MYO3A: variants seen among roughly 807,000 people sequenced by gnomAD.
MYO3A encodes the protein myosin-IIIa.
MYO3A carries 180 observed loss-of-function variants against 192.7 expected under a neutral mutation model. The observed-to-expected ratio is 0.93, with a 90% CI of 0.83 to 1.06. MYO3A has a LOEUF of 1.06. Among genes scored for constraint, MYO3A ranks in the 50% least tolerant of loss-of-function variants. MYO3A has a pLI of 0.00. For synonymous variants in MYO3A, 628 were observed against 645.3 expected (o/e 0.97, Z 0.41); for missense variants, 1,896 against 1,905.0 (o/e 1.00, Z 0.09).
chr10:25,991,963 G>A (rs1048386828), intron 4 of MYO3A, among the ~76,000 whole-genome samples: 5 of 152,162 alleles, frequency 3.3e-5, no homozygotes, highest in African/African-American at 1.2e-4. Context: ...CTCCAGCTTT[G>A]TTCTTTTGGC....
intron 17 of MYO3A, among the ~76,000 whole-genome samples, chr10:26,110,732 T>A (rs1356267621): frequency 6.6e-6 from 1 of 152,140 alleles, no homozygotes; most frequent in African/African-American, 2.4e-5. Context: ...GTCTGCGTGG[T>A]AGGCATCCTA....
chr10:26,129,507 A>G (rs1333115270), intron 20 of MYO3A, among the ~76,000 whole-genome samples: 1 of 152,180 alleles, frequency 6.6e-6, no homozygotes, highest in East Asian at 1.9e-4. Context: ...AAAAGCAAAC[A>G]GAATAAAAAA....
At chr10:26,182,415 G>T (rs981169182) in intron 31 of MYO3A, among the ~76,000 whole-genome samples, 3 of 152,024 alleles carry the variant, frequency 2.0e-5, no homozygotes, top group African/African-American at 7.3e-5. Flanking sequence ...TAAAAATACT[G>T]GTATATTTCA....
At chr10:26,184,039 A>G (rs1453896153) in intron 31 of MYO3A, among the ~76,000 whole-genome samples, 1 of 152,176 alleles carries the variant, frequency 6.6e-6, no homozygotes, top group Admixed American at 6.5e-5. Flanking sequence ...GCAACATAAC[A>G]AGACCCCATC....
chr10:26,009,524 T>C (rs1282185007), intron 6 of MYO3A, among the ~76,000 whole-genome samples: 1 of 152,180 alleles, frequency 6.6e-6, no homozygotes, highest in South Asian at 2.1e-4. Flanking sequence ...TACTCTCTCA[T>C]TGGAGAAACA....
At chr10:26,147,778 G>A (rs1369890787) in intron 23 of MYO3A, among the ~76,000 whole-genome samples, 1 of 152,188 alleles carries the variant, frequency 6.6e-6, no homozygotes, top group African/African-American at 2.4e-5. Context: ...GTTTGCAGCA[G>A]TCATGCAGAA....
At chr10:26,154,877 G>C (rs2131917120) in intron 25 of MYO3A, 54 bp downstream of exon 25, 2 of 1,454,272 alleles carry the variant, frequency 1.4e-6, no homozygotes, top group East Asian at 4.8e-5. Flanking sequence ...TAGTCTAAAT[G>C]AGTTACAGAT....
chr10:25,963,632 A>G (rs930607351), intron 4 of MYO3A, among the ~76,000 whole-genome samples: 2 of 152,150 alleles, frequency 1.3e-5, no homozygotes, highest in Admixed American at 6.6e-5. Flanking sequence ...TTGGCAGTTC[A>G]CAATTGCAGT....
intron 33 of MYO3A, among the ~76,000 whole-genome samples, chr10:26,201,718 A>G (rs535162845): frequency 2.0e-5 from 3 of 151,930 alleles, no homozygotes; most frequent in Admixed American, 1.3e-4. Context: ...CACCTATTTT[A>G]TATGCATAGA....
At chr10:25,944,639 G>C (rs1038012055) in intron 2 of MYO3A, among the ~76,000 whole-genome samples, 1 of 151,826 alleles carries the variant, frequency 6.6e-6, no homozygotes. Flanking sequence ...TTGGTGAATT[G>C]TGTGTTTCTA....
intron 2 of MYO3A, among the ~76,000 whole-genome samples, chr10:25,946,520 C>CTTTTTTTTTTTTTTT (rs35754342): frequency 7.0e-6 from 1 of 142,224 alleles, no homozygotes. Flanking sequence ...TTAAGTTTCC[C>CTTTTTTTTTTTTTTT]TTTTTTTTTT....
At chr10:26,046,853 C>T (rs985821064) in intron 10 of MYO3A, among the ~76,000 whole-genome samples, 1 of 152,108 alleles carries the variant, frequency 6.6e-6, no homozygotes, top group East Asian at 1.9e-4. Context: ...TCTTTGGTAC[C>T]TTTAGCATCA....
chr10:26,018,927 A>G (rs1286745880), intron 7 of MYO3A, among the ~76,000 whole-genome samples: 1 of 152,226 alleles, frequency 6.6e-6, no homozygotes, highest in Admixed American at 6.5e-5. Flanking sequence ...AAACAAAGTT[A>G]TATTAGACAA....
chr10:26,200,396 G>A (rs976620129), intron 32 of MYO3A, among the ~76,000 whole-genome samples: 47 of 152,124 alleles, frequency 3.1e-4, no homozygotes, highest in African/African-American at 1.1e-3. Flanking sequence ...CCTGCTATAG[G>A]GTTTCCACAG....
At position 26,023,605 on chromosome 10, in the gene MYO3A, G is replaced by GC; in HGVS notation, c.732-416dup. ...GGGCATTCTACTGTGCGACTCCCTG[G>GC]CACACCTTCCTCCATATTCCAAACA... On this transcript the variant is annotated intron_variant, in intron 8 of 34. Coordinates refer to ENST00000642920, the MANE Select transcript of MYO3A (RefSeq NM_017433.5). 3 of 216,490 alleles carry GC rather than the reference G, an allele frequency of 1.4e-5. No individual in the cohort carries two copies. In the South Asian group the frequency reaches 2.3e-4, roughly 17 times the overall value. 13.4% of individuals were successfully genotyped at this position (216,490 alleles called of 1,614,324 possible). A position where few individuals can be genotyped will look rare whatever the true frequency, so the allele number is the denominator to read the frequency against.
Position 26,174,510 on chromosome 10 carries a change from G to A in MYO3A, c.4246G>A (p.Ala1416Thr), listed in dbSNP as rs753855145. The change falls in exon 30 of 35, where the codon GCA becomes ACA. Residue 1416 changes from alanine to threonine, a missense_variant. By Grantham distance (58) the Ala-to-Thr change is moderately conservative (BLOSUM62 0). Coordinates refer to ENST00000642920, the MANE Select transcript of MYO3A (RefSeq NM_017433.5). ...IKKKDNKDSK[A>T]TSEREACGLA... Reference sequence around the variant, plus strand: ...GAAGAAGGATAACAAAGACTCGAAAGCAACTTCAGAAAGAGAAGCATGTGG... The same window carrying A: ...GAAGAAGGATAACAAAGACTCGAAAACAACTTCAGAAAGAGAAGCATGTGG... The A allele has an allele frequency of 6.2e-7, 1 of 1,613,820 alleles. No homozygotes were observed. Among genetic ancestry groups the A allele is most frequent in the Non-Finnish European group, 8.5e-7 (1 of 1,179,992 alleles).
In MYO3A at chr10:26,068,884, G is replaced by C. The variant is rs771616016; in HGVS notation, c.1170G>C (p.Lys390Asn). The change falls in exon 12 of 35, where the codon AAG becomes AAC. Residue 390 changes from lysine to asparagine, a missense_variant and splice_region_variant. By Grantham distance (94) the Lys-to-Asn change is moderately conservative (BLOSUM62 0). Transcript: ENST00000642920. ...AGAGTCTGGGTCTTTACTCCACAAA[G>C]GTATGTCGTATGGGGTGCATTCTGT... The part of the protein sequence containing the change: ...PFQSLGLYST[K>N]HSKLYIGSKR... The C allele has an allele frequency of 6.5e-7, 1 of 1,539,872 alleles. No homozygotes were observed. The highest frequency in any genetic ancestry group is 1.1e-5 in the South Asian group (1 of 89,556).
chr10:25,978,288 G>C (rs1021071010), intron 4 of MYO3A, among the ~76,000 whole-genome samples: 1 of 152,158 alleles, frequency 6.6e-6, no homozygotes, highest in East Asian at 1.9e-4. Context: ...ACATACCCAA[G>C]ACTGGGCAAT....
At chr10:26,053,990 GC>G (rs1162909849) in intron 10 of MYO3A, among the ~76,000 whole-genome samples, 1 of 152,148 alleles carries the variant, frequency 6.6e-6, no homozygotes, top group Non-Finnish European at 1.5e-5. Context: ...AGAAGAGTCA[GC>G]CTTTGAGGCA....
Sources: allele counts gnomAD v4.1 joint callset (sites outside exome capture counted in the v4.1 genomes callset), GRCh38; gene constraint gnomAD v4.1.1; transcripts MANE v1.5; gene names NCBI Gene and HGNC (gene_info 2026-07-23, HGNC 2026-07-21).